The following NRXN3 variants were observed in gnomAD, a reference collection of about 807,000 sequenced individuals.
NRXN3 encodes neurexin 3.
A neutral mutation model predicts 137.6 loss-of-function variants in NRXN3; 32 were observed. The ratio of observed to expected loss-of-function variants is 0.23; its 90% CI spans 0.18 to 0.31. The LOEUF (loss-of-function observed/expected upper bound fraction) is 0.31. Among genes scored for constraint, NRXN3 ranks in the 10% least tolerant of loss-of-function variants. The probability of loss-of-function intolerance (pLI) is 1.00; values close to 1 mark genes in which losing one functional copy is unlikely to be tolerated. For missense variants in NRXN3, 1,574 were observed against 2,062.5 expected (o/e 0.76, Z 4.59); for synonymous variants, 798 against 784.5 (o/e 1.02, Z -0.29).
chr14:78,947,417 G>A (rs1245628179), intron 10 of NRXN3, among the ~76,000 whole-genome samples: 1 of 152,146 alleles, frequency 6.6e-6, no homozygotes, highest in Non-Finnish European at 1.5e-5. Context: ...TCCAATGACT[G>A]TATCTTCATA....
At chr14:79,580,442 T>G (rs1160631343) in intron 16 of NRXN3, among the ~76,000 whole-genome samples, 2 of 151,976 alleles carry the variant, frequency 1.3e-5, no homozygotes, top group Non-Finnish European at 1.5e-5. Flanking sequence ...TATGTTTTTT[T>G]TTTTTTTTTC....
chr14:78,562,168 G>T (rs1566753071), intron 4 of NRXN3, among the ~76,000 whole-genome samples: 2 of 152,152 alleles, frequency 1.3e-5, no homozygotes, highest in East Asian at 3.9e-4. Flanking sequence ...GGAGGCCGAG[G>T]TGGGTGGATC....
intron 3 of NRXN3, among the ~76,000 whole-genome samples, chr14:78,281,110 G>T (rs1390027304): frequency 1.3e-5 from 2 of 152,146 alleles, no homozygotes; most frequent in African/African-American, 4.8e-5. Flanking sequence ...CTTTTTTGTG[G>T]TTTCTGAGCC....
intron 3 of NRXN3, among the ~76,000 whole-genome samples, chr14:78,286,415 C>T (rs1007609525): frequency 6.6e-6 from 1 of 152,190 alleles, no homozygotes; most frequent in Non-Finnish European, 1.5e-5. Flanking sequence ...AGACCTCCTA[C>T]ACGACTCAGC....
chr14:79,415,076 A>G (rs747080162), intron 15 of NRXN3, among the ~76,000 whole-genome samples: 1 of 152,112 alleles, frequency 6.6e-6, no homozygotes, highest in East Asian at 1.9e-4. Context: ...TTCTATATAT[A>G]TGTGTGTTTA....
chr14:79,689,268 G>A (rs2098707163), intron 17 of NRXN3, among the ~76,000 whole-genome samples: 1 of 151,982 alleles, frequency 6.6e-6, no homozygotes, highest in East Asian at 1.9e-4. Context: ...AATTTGGTGA[G>A]GTTTGTTCAG....
chr14:78,549,047 T>C (rs534620013), intron 4 of NRXN3, among the ~76,000 whole-genome samples: 195 of 152,292 alleles, frequency 1.3e-3, no homozygotes, highest in African/African-American at 4.6e-3. Flanking sequence ...GCTTCCTCTT[T>C]CCCCCTTTCT....
intron 6 of NRXN3, among the ~76,000 whole-genome samples, chr14:78,670,331 G>C (rs28569338): frequency 0.036 from 5,476 of 152,272 alleles, 305 homozygotes; most frequent in African/African-American, 0.12. Flanking sequence ...ACGTGTGCAT[G>C]TGTCTTTATC....
intron 4 of NRXN3, among the ~76,000 whole-genome samples, chr14:78,552,929 C>A: frequency 6.6e-6 from 1 of 152,118 alleles, no homozygotes; most frequent in Non-Finnish European, 1.5e-5. Context: ...ACTGATTTGA[C>A]CTTTATAAAT....
chr14:79,149,652 T>G (rs1156615258), intron 15 of NRXN3, among the ~76,000 whole-genome samples: 1 of 152,046 alleles, frequency 6.6e-6, no homozygotes, highest in Non-Finnish European at 1.5e-5. Flanking sequence ...GTGGTACATA[T>G]ACACCATGGA....
chr14:78,980,463 T>G (rs763787340), intron 14 of NRXN3, among the ~76,000 whole-genome samples: 44 of 152,338 alleles, frequency 2.9e-4, no homozygotes, highest in Non-Finnish European at 1.6e-4. Flanking sequence ...ACTAGTGTTG[T>G]GAGCTTTAGG....
intron 17 of NRXN3, among the ~76,000 whole-genome samples, chr14:79,668,920 T>A (rs1474501220): frequency 6.6e-6 from 1 of 152,080 alleles, no homozygotes; most frequent in Admixed American, 6.6e-5. Context: ...TACATCGGTA[T>A]AAGAAAGATT....
chr14:79,232,526 C>T (rs1471930337), intron 15 of NRXN3, among the ~76,000 whole-genome samples: 1 of 152,096 alleles, frequency 6.6e-6, no homozygotes, highest in African/African-American at 2.4e-5. Flanking sequence ...TATTTTCTGG[C>T]TACTGAGCTT....
intron 10 of NRXN3, among the ~76,000 whole-genome samples, chr14:78,908,310 C>T (rs1193160615): frequency 6.6e-6 from 1 of 151,982 alleles, no homozygotes; most frequent in East Asian, 1.9e-4. Context: ...TCAAGCTTTT[C>T]AGAGGTTTAT....
At chr14:78,382,816 A>T (rs917803214) in intron 4 of NRXN3, among the ~76,000 whole-genome samples, 1 of 152,060 alleles carries the variant, frequency 6.6e-6, no homozygotes, top group African/African-American at 2.4e-5. Flanking sequence ...ATGTATGGAG[A>T]CATTATCTCC....
chr14:78,700,874 C>T (rs749971609), intron 6 of NRXN3, among the ~76,000 whole-genome samples: 7 of 151,992 alleles, frequency 4.6e-5, no homozygotes, highest in Non-Finnish European at 8.8e-5. Flanking sequence ...TGGGTTCAAG[C>T]GATTCTCCTG....
chr14:79,488,820 A>G (rs2096682695), intron 16 of NRXN3, among the ~76,000 whole-genome samples: 2 of 152,128 alleles, frequency 1.3e-5, no homozygotes, highest in Admixed American at 6.5e-5. Flanking sequence ...AAAGTATAAG[A>G]TTTTTAGAAT....
chr14:79,220,305 G>C (rs2069334425), intron 15 of NRXN3, among the ~76,000 whole-genome samples: 2 of 152,070 alleles, frequency 1.3e-5, no homozygotes, highest in African/African-American at 4.8e-5. Flanking sequence ...ACTTTATTTT[G>C]TAGAGAAGTT....
At chr14:78,823,317 A>G (rs1290519418) in intron 10 of NRXN3, among the ~76,000 whole-genome samples, 2 of 152,022 alleles carry the variant, frequency 1.3e-5, no homozygotes, top group African/African-American at 4.8e-5. Flanking sequence ...GGCTGCTGCA[A>G]TCCCCGAGGC....
Sources: allele counts gnomAD v4.1 joint callset (sites outside exome capture counted in the v4.1 genomes callset), GRCh38; gene constraint gnomAD v4.1.1; transcripts MANE v1.5; gene names NCBI Gene and HGNC (gene_info 2026-07-23, HGNC 2026-07-21).